Variants in SND1 observed in about 807,000 individuals in gnomAD.
SND1 encodes staphylococcal nuclease domain-containing protein 1.
SND1 carries 38 observed loss-of-function variants against 121.7 expected under a neutral mutation model. That is an observed-to-expected ratio of 0.31 (90% CI 0.24 to 0.41). The LOEUF is 0.41. SND1 is among the 10% of genes least tolerant of loss of function. The pLI is 1.00. For synonymous variants in SND1, 401 were observed against 447.4 expected, an observed-to-expected ratio of 0.90 and a Z score of 1.31; for missense variants, 868 against 1,184.6, an observed-to-expected ratio of 0.73 and a Z score of 3.92.
At chr7:128,034,639 G>C (rs561576001) in intron 16 of SND1, among the ~76,000 whole-genome samples, 18 of 152,318 alleles carry the variant, frequency 1.2e-4, no homozygotes, top group African/African-American at 4.3e-4. Flanking sequence ...GGTCAGACCA[G>C]TACTTAGTAA....
intron 10 of SND1, among the ~76,000 whole-genome samples, chr7:127,786,429 T>G (rs1318981184): frequency 6.6e-6 from 1 of 152,176 alleles, no homozygotes; most frequent in Admixed American, 6.5e-5. Flanking sequence ...TTGTTAACTA[T>G]GTATTCTGCT....
intron 15 of SND1, among the ~76,000 whole-genome samples, chr7:127,963,402 C>A (rs556596251): frequency 4.2e-5 from 6 of 141,614 alleles, no homozygotes; most frequent in African/African-American, 1.6e-4. Context: ...TATCCCTCCC[C>A]CCTCCCCGCC....
intron 13 of SND1, among the ~76,000 whole-genome samples, chr7:127,899,812 G>A (rs533822604): frequency 2.6e-5 from 4 of 152,280 alleles, no homozygotes; most frequent in African/African-American, 9.6e-5. Flanking sequence ...TGAGGGCCTA[G>A]ACCAAGAGGG....
chr7:128,006,315 T>TTG (rs146240899), intron 16 of SND1, among the ~76,000 whole-genome samples: 1 of 151,654 alleles, frequency 6.6e-6, no homozygotes, highest in Admixed American at 6.6e-5. Flanking sequence ...TGGTGGATCC[T>TTG]TGTGTGTGTG....
At chr7:127,926,947 C>A (rs915292020) in intron 14 of SND1, among the ~76,000 whole-genome samples, 3 of 152,034 alleles carry the variant, frequency 2.0e-5, no homozygotes, top group Non-Finnish European at 4.4e-5. Context: ...GACATGTCAT[C>A]CTCTTGGCTA....
Position 128,092,113 on chromosome 7 carries a change from C to A in SND1, c.*55C>A. On this transcript the variant is annotated 3_prime_UTR_variant, in exon 24 of 24. Coordinates refer to ENST00000354725, the MANE Select transcript of SND1 (RefSeq NM_014390.4). The surrounding 1 kb of genome is among the most constrained non-coding windows in gnomAD (Gnocchi z 4.9). Reference sequence around the variant, plus strand: ...GCTCACGCCAGTCCCTCTTCCTCTGCCGGGAGGGTGTTTTCAACTCCAAAC... The same window carrying A: ...GCTCACGCCAGTCCCTCTTCCTCTGACGGGAGGGTGTTTTCAACTCCAAAC... The A allele has an allele frequency of 1.3e-6, 2 of 1,566,224 alleles. No individual in the cohort carries two copies. The highest frequency in any genetic ancestry group is 1.8e-6 in the Non-Finnish European group (2 of 1,137,684).
chr7:127,676,737 TTTTCTTTA>T (rs943592434), intron 1 of SND1, among the ~76,000 whole-genome samples: 2 of 152,160 alleles, frequency 1.3e-5, no homozygotes, highest in Non-Finnish European at 2.9e-5. Flanking sequence ...GACTTTGATA[TTTTCTTTA>T]TTTCTTTATT....
intron 10 of SND1, among the ~76,000 whole-genome samples, chr7:127,755,771 C>T (rs1797184251): frequency 6.6e-6 from 1 of 152,208 alleles, no homozygotes; most frequent in African/African-American, 2.4e-5. Flanking sequence ...TGTCATGCCT[C>T]TGCTGATTAT....
At chr7:128,032,997 G>A (rs986293718) in intron 16 of SND1, among the ~76,000 whole-genome samples, 5 of 152,202 alleles carry the variant, frequency 3.3e-5, no homozygotes, top group Admixed American at 2.0e-4. Flanking sequence ...TTCATTCATG[G>A]AGCTGCAGCC....
intron 15 of SND1, among the ~76,000 whole-genome samples, chr7:127,934,784 C>G (rs1452100364): frequency 6.6e-6 from 1 of 152,076 alleles, no homozygotes; most frequent in Admixed American, 6.6e-5. Context: ...AGCAGAGGAG[C>G]CTACGCAAGT....
chr7:127,968,825 A>C (rs1055711358), intron 15 of SND1, among the ~76,000 whole-genome samples: 1 of 152,198 alleles, frequency 6.6e-6, no homozygotes, highest in Non-Finnish European at 1.5e-5. Context: ...TCTCAGAAGA[A>C]AATCAAGGGC....
intron 2 of SND1, 71 bp from the exon 3 acceptor site, chr7:127,694,757 A>G: frequency 6.3e-7 from 1 of 1,578,218 alleles, no homozygotes; most frequent in Non-Finnish European, 8.7e-7. Flanking sequence ...TGAAGGTATG[A>G]AGTTGCTTGA....
chr7:128,021,552 C>T (rs937277618), intron 16 of SND1, among the ~76,000 whole-genome samples: 5 of 152,218 alleles, frequency 3.3e-5, no homozygotes, highest in Non-Finnish European at 7.3e-5. Flanking sequence ...GGAAACCAAA[C>T]TTTGCACAGG....
intron 10 of SND1, among the ~76,000 whole-genome samples, chr7:127,791,918 G>A (rs911581459): frequency 1.3e-5 from 2 of 152,140 alleles, no homozygotes; most frequent in African/African-American, 4.8e-5. Context: ...TATCATGATT[G>A]CAATTTACAA....
At position 127,652,446 on chromosome 7, in the gene SND1, A is replaced by C; in HGVS notation, c.73A>C (p.Lys25Gln). The C allele has an allele frequency of 6.3e-7, 1 of 1,579,756 alleles. No individual in the cohort carries two copies. Among genetic ancestry groups the C allele is most frequent in the Non-Finnish European group, 8.6e-7 (1 of 1,162,906 alleles). Reference sequence around the variant, plus strand: ...CCCCACCGTGCAGCGGGGCATCATCAAGATGGTGAGAACGGGCCCCGGACA... The same window carrying C: ...CCCCACCGTGCAGCGGGGCATCATCCAGATGGTGAGAACGGGCCCCGGACA... ...AVPTVQRGII[K>Q]MVLSGCAIIV... is the part of the protein sequence containing the mutation. Residue 25 changes from lysine to glutamine, a missense_variant, in exon 1 of 24, where the codon AAG (lysine) becomes CAG (glutamine). Physicochemically the swap from Lys to Gln is moderately conservative, Grantham distance 53 (BLOSUM62 1). This residue lies in a region of SND1 where 125 missense variants were observed against 113.3 expected (regional missense o/e 1.10). Transcript: ENST00000354725.
intron 5 of SND1, 58 bp downstream of exon 5, chr7:127,701,381 C>T: frequency 1.3e-6 from 2 of 1,543,278 alleles, no homozygotes; most frequent in Admixed American, 3.8e-5. Flanking sequence ...TGTTTGCACT[C>T]TTTGCTTCTT....
At chr7:127,756,055 T>G (rs1461310300) in intron 10 of SND1, among the ~76,000 whole-genome samples, 1 of 152,248 alleles carries the variant, frequency 6.6e-6, no homozygotes, top group African/African-American at 2.4e-5. Flanking sequence ...TGGGGATTTA[T>G]GGAGCTTAAA....
At chr7:127,989,419 T>C (rs977692433) in intron 15 of SND1, among the ~76,000 whole-genome samples, 7 of 152,184 alleles carry the variant, frequency 4.6e-5, no homozygotes, top group African/African-American at 7.2e-5. Context: ...GCCTATTCCC[T>C]TTTTTCTGAG....
At chr7:127,701,906 C>G (rs1796111674) in intron 5 of SND1, among the ~76,000 whole-genome samples, 1 of 152,184 alleles carries the variant, frequency 6.6e-6, no homozygotes, top group Non-Finnish European at 1.5e-5. Context: ...TGGTGTGTGG[C>G]AAATTCATGT....
Sources: gnomAD v4.1 joint callset for allele counts (sites outside exome capture counted in the v4.1 genomes callset) on GRCh38, gnomAD v4.1.1 for gene constraint, gnomAD v4.1.1 regional missense constraint, Gnocchi (gnomAD v3.1) non-coding constraint, MANE v1.5 for transcripts, NCBI Gene and HGNC (gene_info 2026-07-23, HGNC 2026-07-21) for gene names.